The following CD55 variants were observed in gnomAD, a reference collection of about 807,000 sequenced individuals.
CD55 encodes CD55 molecule (Cromer blood group).
CD55 carries 41 observed loss-of-function variants against 45.8 expected under a neutral mutation model. That is an observed-to-expected ratio of 0.90 (90% CI 0.70 to 1.16). CD55 has a LOEUF of 1.16. Ranked by LOEUF, CD55 falls within the 50% of genes most tolerant of loss-of-function variation. CD55 has a pLI of 0.00. For missense variants in CD55, 416 were observed against 469.8 expected (o/e 0.89, Z 1.06); for synonymous variants, 181 against 181.1 (o/e 1.00, Z 0.01).
intron 9 of CD55, among the ~76,000 whole-genome samples, chr1:207,356,548 T>A (rs899608755): frequency 1.3e-5 from 2 of 152,154 alleles, no homozygotes; most frequent in African/African-American, 2.4e-5. Flanking sequence ...TACTGTGAAA[T>A]TGCCTGTGAT....
intron 9 of CD55, among the ~76,000 whole-genome samples, chr1:207,341,805 G>A (rs892741009): frequency 2.0e-5 from 3 of 151,768 alleles, no homozygotes; most frequent in Admixed American, 6.6e-5. Flanking sequence ...ATCTTGATAG[G>A]GGTTGTACTG....
intron 6 of CD55, among the ~76,000 whole-genome samples, chr1:207,332,650 T>C (rs1434546102): frequency 1.3e-5 from 2 of 152,206 alleles, no homozygotes; most frequent in African/African-American, 2.4e-5. Flanking sequence ...CAGTTCATAT[T>C]TATTTTTCCA....
intron 5 of CD55, among the ~76,000 whole-genome samples, chr1:207,329,763 C>T (rs1226815168): frequency 6.6e-6 from 1 of 152,034 alleles, no homozygotes; most frequent in African/African-American, 2.4e-5. Flanking sequence ...AGGTGCACAC[C>T]ACCATGCCCA....
chr1:207,350,377 A>G lies in CD55; in HGVS notation c.1082-9169A>G, dbSNP rs567601436. 2.0e-5 allele frequency among the ~76,000 whole-genome samples: 3 copies of G among 152,202 alleles called. No individual in the cohort carries two copies. In the East Asian group the frequency reaches 5.8e-4, roughly 29 times the overall value. On this transcript the variant is annotated intron_variant, in intron 9 of 9. Transcript: ENST00000367064. ...GGTATCAGTGTGATGCTGGCCTTAT[A>G]GAATGAGGAGTCCCTCCTCCTTGAT... is the stretch of plus-strand genomic sequence containing the variant.
chr1:207,330,723 C>T (rs1654904778), intron 5 of CD55, among the ~76,000 whole-genome samples: 1 of 152,204 alleles, frequency 6.6e-6, no homozygotes, highest in African/African-American at 2.4e-5. Flanking sequence ...TAGGTTTAAA[C>T]TCAAGTTCTA....
rs1656230345 is a variant in CD55, at chr1:207,359,877, A to G, written c.*267A>G. ...CTTTCCTAAAAGTGTAAGAAAGCAT[A>G]GAGATTTGTTCGTATTTAGAATGGG... is the stretch of plus-strand genomic sequence containing the variant. On this transcript the variant is annotated 3_prime_UTR_variant, in exon 10 of 10. Coordinates refer to ENST00000367064, the MANE Select transcript of CD55 (RefSeq NM_000574.5). 1 of 335,838 alleles carries G rather than the reference A, an allele frequency of 3.0e-6. No individual in the cohort carries two copies. The highest frequency in any genetic ancestry group is 5.3e-6 in the Non-Finnish European group (1 of 188,000). The allele number at this position is 335,838 out of a possible 1,614,324, so 20.8% of individuals were successfully genotyped here.
intron 6 of CD55, among the ~76,000 whole-genome samples, chr1:207,335,113 G>T (rs571716347): frequency 1.3e-5 from 2 of 152,248 alleles, no homozygotes; most frequent in East Asian, 3.9e-4. Context: ...GAATCTATAT[G>T]TACTTGATAA....
At position 207,360,374 on chromosome 1, in the gene CD55, ATATT is replaced by A. The variant is rs540000468; in HGVS notation, c.*772_*775del. 1.3e-5 allele frequency: 2 copies of A among 152,150 alleles called. No individual in the cohort carries two copies. The highest frequency in any genetic ancestry group is 6.5e-5 in the Admixed American group (1 of 15,272). 9.4% of individuals were successfully genotyped at this position (152,150 alleles called of 1,614,324 possible). A position where few individuals can be genotyped will look rare whatever the true frequency, so the allele number is the denominator to read the frequency against. On this transcript the variant is annotated 3_prime_UTR_variant, in exon 10 of 10. Coordinates refer to ENST00000367064, the MANE Select transcript of CD55 (RefSeq NM_000574.5). ...AATTTGTAAATCTTATTCTTTTGTA[ATATT>A]TATTTATATTTATTTATGACAGTGA...
chr1:207,359,496 T>C lies in CD55; in HGVS notation c.1082-50T>C, dbSNP rs181052990. 1.6e-3 allele frequency: 2,303 copies of C among 1,463,206 alleles called. 3 individuals are homozygous for C. Among genetic ancestry groups the C allele is most frequent in the South Asian group, 2.6e-3 (199 of 75,256 alleles). 90.6% of individuals were successfully genotyped at this position (1,463,206 alleles called of 1,614,324 possible). On this transcript the variant is annotated intron_variant, in intron 9 of 9. Transcript: ENST00000367064. Reference sequence around the variant, plus strand: ...AAAATTTATATTTATCACTAGTAAATAAAATCATTTTGATTTTAACTTTTT... The same window carrying C: ...AAAATTTATATTTATCACTAGTAAACAAAATCATTTTGATTTTAACTTTTT...
At chr1:207,325,009 T>C (rs1654608632) in intron 3 of CD55, among the ~76,000 whole-genome samples, 2 of 152,264 alleles carry the variant, frequency 1.3e-5, no homozygotes, top group South Asian at 4.1e-4. Context: ...CGTTGCTTTT[T>C]CAAAACTTAT....
intron 9 of CD55, among the ~76,000 whole-genome samples, chr1:207,346,162 G>GCAGTC (rs1471116430): frequency 1.3e-5 from 2 of 152,254 alleles, no homozygotes; most frequent in Non-Finnish European, 2.9e-5. Flanking sequence ...TGGGACACAA[G>GCAGTC]CAGTCTGTGC....
At chr1:207,339,169 A>T (rs1030232884) in intron 8 of CD55, among the ~76,000 whole-genome samples, 1 of 152,180 alleles carries the variant, frequency 6.6e-6, no homozygotes, top group Non-Finnish European at 1.5e-5. Context: ...CATAATTTAT[A>T]TTTACAGTGT....
Position 207,321,841 on chromosome 1 carries a change from C to A in CD55, c.76C>A (p.Leu26Met). The change falls in exon 1 of 10, where the codon CTG (leucine) becomes ATG (methionine). Residue 26 changes from leucine to methionine, a missense_variant. Leu to Met is a conservative substitution (Grantham distance 15). This residue lies in a region of CD55 where 123 missense variants were observed against 105.1 expected (regional missense o/e 1.17). Transcript: ENST00000367064. ...GCTGCCCCGGCTGCTGCTGCTGGTG[C>A]TGTTGTGCCTGCCGGCCGTGTGGGG... ...GELPRLLLLV[L>M]LCLPAVWGDC... The A allele has an allele frequency of 6.5e-7, 1 of 1,529,208 alleles. No homozygotes were observed. The allele number at this position is 1,529,208 out of a possible 1,614,324, so 94.7% of individuals were successfully genotyped here.
chr1:207,324,470 G>C, intron 2 of CD55, 89 bp from the exon 3 acceptor site: 1 of 764,086 alleles, frequency 1.3e-6, no homozygotes, highest in Non-Finnish European at 2.1e-6. Context: ...TAAAGAAAGG[G>C]GGTTATTAGG....
chr1:207,345,229 T>G (rs1655585126), intron 9 of CD55, among the ~76,000 whole-genome samples: 1 of 152,076 alleles, frequency 6.6e-6, no homozygotes, highest in Non-Finnish European at 1.5e-5. Flanking sequence ...CTTTGCCCAT[T>G]TTTTTATTCT....
intron 6 of CD55, among the ~76,000 whole-genome samples, chr1:207,334,918 A>G (rs1000846516): frequency 1.1e-4 from 16 of 152,070 alleles, no homozygotes; most frequent in Non-Finnish European, 1.9e-4. Context: ...TTTACTATTT[A>G]CAAGAGACAC....
At chr1:207,323,023 C>T (rs1654495404) in intron 2 of CD55, among the ~76,000 whole-genome samples, 1 of 152,004 alleles carries the variant, frequency 6.6e-6, no homozygotes. Context: ...TATTCTGGCA[C>T]ATGCATACAG....
intron 9 of CD55, 109 bp from the exon 10 acceptor site, chr1:207,359,436 CT>C: frequency 2.7e-6 from 3 of 1,130,774 alleles, no homozygotes; most frequent in Non-Finnish European, 2.4e-6. Context: ...CCCAAATTAA[CT>C]GATTCTTTTT....
chr1:207,326,911 AG>A, intron 5 of CD55, 74 bp downstream of exon 5: 2 of 1,059,828 alleles, frequency 1.9e-6, no homozygotes, highest in African/African-American at 3.2e-5. Flanking sequence ...CTGCCCCTTA[AG>A]AATATTAGCA....
Sources: allele counts gnomAD v4.1 joint callset (sites outside exome capture counted in the v4.1 genomes callset), GRCh38; gene constraint gnomAD v4.1.1; regional missense constraint gnomAD v4.1.1; transcripts MANE v1.5; gene names NCBI Gene and HGNC (gene_info 2026-07-23, HGNC 2026-07-21).